The following ELF1 variants were observed in gnomAD, a reference collection of about 807,000 sequenced individuals.
ELF1 encodes the protein E74 like ETS transcription factor 1, also known as ETS-related transcription factor Elf-1.
Under a neutral mutation model 59.9 loss-of-function variants are expected in ELF1, and 24 were observed. The observed-to-expected ratio is 0.40, with a 90% CI of 0.29 to 0.56. The LOEUF is 0.56. ELF1 is among the 20% of genes least tolerant of loss of function. The probability of loss-of-function intolerance (pLI) is 0.44; values close to 1 mark genes in which losing one functional copy is unlikely to be tolerated. For missense variants in ELF1, 627 were observed against 742.2 expected, an observed-to-expected ratio of 0.84 and a Z score of 1.80; for synonymous variants, 248 against 266.2, an observed-to-expected ratio of 0.93 and a Z score of 0.67.
chr13:41,008,586 C>T (rs917808524), intron 1 of ELF1, among the ~76,000 whole-genome samples: 1 of 151,622 alleles, frequency 6.6e-6, no homozygotes, highest in African/African-American at 2.4e-5. Flanking sequence ...AAAAAAAAAT[C>T]AATCCATTCA....
At chr13:41,047,352 C>G (rs1876893602) in intron 1 of ELF1, among the ~76,000 whole-genome samples, 1 of 152,206 alleles carries the variant, frequency 6.6e-6, no homozygotes, top group African/African-American at 2.4e-5. Context: ...GGGAGAAGTG[C>G]TCTGATTTTT....
intron 1 of ELF1, chr13:40,992,992 T>C: frequency 8.1e-7 from 1 of 1,229,664 alleles, no homozygotes; most frequent in South Asian, 1.2e-5. Context: ...TCACAGGCAA[T>C]CCAGAAAAGT....
intron 2 of ELF1, among the ~76,000 whole-genome samples, chr13:40,971,355 T>C (rs760657307): frequency 6.6e-6 from 1 of 152,074 alleles, no homozygotes; most frequent in Non-Finnish European, 1.5e-5. Context: ...CCTCCCAGGC[T>C]CAAGTGATCT....
At chr13:40,955,360 C>G (rs1694479404) in intron 3 of ELF1, among the ~76,000 whole-genome samples, 2 of 143,952 alleles carry the variant, frequency 1.4e-5, no homozygotes, top group Non-Finnish European at 3.1e-5. Flanking sequence ...GCCGCCCCAT[C>G]CGGGAGGGAG....
At chr13:41,016,847 G>T (rs1484820963) in intron 1 of ELF1, among the ~76,000 whole-genome samples, 1 of 138,996 alleles carries the variant, frequency 7.2e-6, no homozygotes, top group Non-Finnish European at 1.5e-5. Flanking sequence ...CCGGGAGACG[G>T]AAGTTGCAGT....
At chr13:40,966,231 G>A (rs115413908) in intron 2 of ELF1, among the ~76,000 whole-genome samples, 14 of 152,284 alleles carry the variant, frequency 9.2e-5, no homozygotes, top group African/African-American at 3.1e-4. Context: ...GGTTTCCAAA[G>A]CTTCAATATC....
chr13:41,058,178 G>A (rs1007900292), intron 1 of ELF1, among the ~76,000 whole-genome samples: 1 of 152,170 alleles, frequency 6.6e-6, no homozygotes, highest in African/African-American at 2.4e-5. Flanking sequence ...GACATAAAAT[G>A]TCACTCCTTG....
chr13:40,934,141 C>T (rs1566162725), intron 8 of ELF1, 113 bp from the exon 9 acceptor site: 6 of 1,375,254 alleles, frequency 4.4e-6, no homozygotes. Context: ...CAAAATGCTG[C>T]TTCCCATATT....
chr13:40,956,728 C>A (rs1871471667), intron 3 of ELF1, among the ~76,000 whole-genome samples: 1 of 150,482 alleles, frequency 6.6e-6, no homozygotes, highest in South Asian at 2.1e-4. Context: ...GTTTTGCTCT[C>A]ATTGCCCAGG....
rs373355429 is a variant in ELF1 at position 40,949,762 on chromosome 13, C to T, written c.529+44G>A. ...GAATAAAAGTGATATCTAGATTTCA[C>T]ACCAAGACTTGACTATGCGCCCTAA... On this transcript the variant is annotated intron_variant, in intron 5 of 8. Coordinates refer to ENST00000239882, the MANE Select transcript of ELF1 (RefSeq NM_172373.4). 990 of 1,599,378 alleles carry T rather than the reference C, an allele frequency of 6.2e-4. 23 individuals carry two copies. In the South Asian group the frequency reaches 9.4e-3, roughly 15 times the overall value.
intron 1 of ELF1, chr13:40,993,276 A>G: frequency 6.3e-7 from 1 of 1,578,860 alleles, no homozygotes; most frequent in Non-Finnish European, 8.7e-7. Context: ...TCTGGTTTCC[A>G]GGCGCTTGAG....
At chr13:40,977,861 G>A (rs781120065) in intron 2 of ELF1, among the ~76,000 whole-genome samples, 27 of 152,108 alleles carry the variant, frequency 1.8e-4, no homozygotes, top group Non-Finnish European at 8.8e-5. Context: ...GTTCAACGAA[G>A]GAGAATACAC....
chr13:40,995,451 T>C (rs900003765), intron 1 of ELF1, among the ~76,000 whole-genome samples: 3 of 152,144 alleles, frequency 2.0e-5, no homozygotes, highest in East Asian at 3.9e-4. Context: ...AAATATTCTA[T>C]GGATTGAGCT....
chr13:41,049,961 T>A (rs1028888345), intron 1 of ELF1, among the ~76,000 whole-genome samples: 1 of 152,226 alleles, frequency 6.6e-6, no homozygotes, highest in Admixed American at 6.5e-5. Flanking sequence ...CTGTTTACAT[T>A]CATAAATAAT....
Position 40,936,818 on chromosome 13 carries a change from G to A in ELF1, c.1257-2790C>T, listed in dbSNP as rs540551287. Among the ~76,000 whole-genome samples, 473 of 151,322 alleles carry A rather than the reference G, an allele frequency of 3.1e-3. 3 individuals carry two copies. Among genetic ancestry groups the A allele is most frequent in the Non-Finnish European group, 5.8e-3 (392 of 67,838 alleles). Reference sequence around the variant, plus strand: ...AAAAATTAGCTGGGCATGGTGGCGCGTGCCTATAATCCCAGCAACTCGGGA... The same window carrying A: ...AAAAATTAGCTGGGCATGGTGGCGCATGCCTATAATCCCAGCAACTCGGGA... On this transcript the variant is annotated intron_variant, in intron 8 of 8. Transcript: ENST00000239882.
Position 41,017,278 on chromosome 13 carries a change from C to T in ELF1, c.-229+1950G>A, listed in dbSNP as rs12430468. Among the ~76,000 whole-genome samples the T allele has an allele frequency of 9.1e-3, 1,387 of 152,130 alleles. 61 individuals are homozygous for T. Among genetic ancestry groups the T allele is most frequent in the Admixed American group, 0.082 (1,249 of 15,274 alleles). ...TATTTACTCTTAAGGAAATATAGAG[C>T]ATTTCAAACAAAGCATCACTTGTGA... On this transcript the variant is annotated intron_variant, in intron 1 of 8. Transcript: ENST00000239882.
chr13:40,954,122 C>A (rs1871041753), intron 3 of ELF1, among the ~76,000 whole-genome samples: 1 of 152,154 alleles, frequency 6.6e-6, no homozygotes, highest in South Asian at 2.1e-4. Flanking sequence ...AAACTTCTAA[C>A]CTGATTAGTC....
intron 1 of ELF1, among the ~76,000 whole-genome samples, chr13:40,996,482 A>G (rs1420425844): frequency 1.3e-5 from 2 of 152,240 alleles, no homozygotes; most frequent in Non-Finnish European, 2.9e-5. Flanking sequence ...AAGAGAAATA[A>G]GCTATCAAGC....
intron 1 of ELF1, among the ~76,000 whole-genome samples, chr13:41,001,907 G>A (rs1874469525): frequency 6.6e-6 from 1 of 152,094 alleles, no homozygotes; most frequent in South Asian, 2.1e-4. Context: ...GGCAACATAG[G>A]CTGTTATCTT....
Sources: gnomAD v4.1 joint callset for allele counts (sites outside exome capture counted in the v4.1 genomes callset) on GRCh38, gnomAD v4.1.1 for gene constraint, MANE v1.5 for transcripts, NCBI Gene and HGNC (gene_info 2026-07-23, HGNC 2026-07-21) for gene names.